The following KCNJ6 variants were observed in gnomAD, a reference collection of about 807,000 sequenced individuals.
KCNJ6 encodes the protein G protein-activated inward rectifier potassium channel 2.
A neutral mutation model predicts 34.2 loss-of-function variants in KCNJ6; 9 were observed. That is an observed-to-expected ratio of 0.26 (90% confidence interval 0.16 to 0.46). The LOEUF (loss-of-function observed/expected upper bound fraction) is 0.46, where lower values mean the gene tolerates loss of function less well. Among genes scored for constraint, KCNJ6 ranks in the 20% least tolerant of loss-of-function variants. The pLI is 1.00. For missense variants in KCNJ6, 236 were observed against 531.3 expected, an observed-to-expected ratio of 0.44 and a Z score of 5.46; for synonymous variants, 196 against 207.1, an observed-to-expected ratio of 0.95 and a Z score of 0.46.
chr21:37,894,526 A>G (rs1421278438), intron 1 of KCNJ6, among the ~76,000 whole-genome samples: 1 of 152,032 alleles, frequency 6.6e-6, no homozygotes, highest in Non-Finnish European at 1.5e-5. Flanking sequence ...TTAGCTGGGT[A>G]TGGTGGTGGG....
At chr21:37,681,009 G>A (rs535595693) in intron 3 of KCNJ6, among the ~76,000 whole-genome samples, 1 of 152,318 alleles carries the variant, frequency 6.6e-6, no homozygotes, top group South Asian at 2.1e-4. Flanking sequence ...TCTCCCAAGG[G>A]ACAGCGCTCA....
At chr21:37,867,335 G>GT (rs1404657963) in intron 1 of KCNJ6, among the ~76,000 whole-genome samples, 5 of 152,232 alleles carry the variant, frequency 3.3e-5, no homozygotes, top group African/African-American at 1.2e-4. Context: ...AATCTGTCCA[G>GT]TGAGGAGAGC....
chr21:37,808,673 G>A (rs58954766), intron 2 of KCNJ6, among the ~76,000 whole-genome samples: 2,588 of 152,234 alleles, frequency 0.017, 74 homozygotes, highest in African/African-American at 0.056. Context: ...TCCATTCTCC[G>A]GTCTTATGGA....
chr21:37,720,797 T>TC (rs1401911897), intron 2 of KCNJ6, among the ~76,000 whole-genome samples: 1 of 151,338 alleles, frequency 6.6e-6, no homozygotes, highest in East Asian at 1.9e-4. Context: ...AAGCTCCGCT[T>TC]CCCGGGTTCA....
In KCNJ6 at chr21:37,866,163, A is replaced by C. The variant is rs188786143; in HGVS notation, c.-27-25454T>G. ...TGAAGCTTCCCTGAGAAAAGAAGAC[A>C]TTCTGTCTGTGGATGGTGGATTCAG... On this transcript the variant is annotated intron_variant, in intron 1 of 3. Coordinates refer to ENST00000609713, the MANE Select transcript of KCNJ6 (RefSeq NM_002240.5). Among the ~76,000 whole-genome samples the C allele has an allele frequency of 3.5e-3, 534 of 152,086 alleles. 8 individuals carry two copies. The highest frequency in any genetic ancestry group is 1.1e-3 in the Non-Finnish European group (73 of 67,990).
intron 2 of KCNJ6, among the ~76,000 whole-genome samples, chr21:37,725,007 G>T (rs1212879884): frequency 4.0e-5 from 6 of 151,624 alleles, no homozygotes; most frequent in Non-Finnish European, 8.8e-5. Context: ...TATTTTAAAA[G>T]AATATTTCTG....
At chr21:37,722,137 A>G (rs1018270790) in intron 2 of KCNJ6, among the ~76,000 whole-genome samples, 4 of 152,202 alleles carry the variant, frequency 2.6e-5, no homozygotes, top group Non-Finnish European at 5.9e-5. Context: ...AATCAGTGTC[A>G]TTTCTATACA....
chr21:37,814,955 T>C (rs1186420066), intron 2 of KCNJ6, among the ~76,000 whole-genome samples: 1 of 150,352 alleles, frequency 6.7e-6, no homozygotes, highest in African/African-American at 2.5e-5. Flanking sequence ...ATTCCGTCCA[T>C]GTTTGCAACA....
At chr21:37,800,734 C>A (rs777296051) in intron 2 of KCNJ6, among the ~76,000 whole-genome samples, 1 of 152,158 alleles carries the variant, frequency 6.6e-6, no homozygotes, top group Non-Finnish European at 1.5e-5. Context: ...ATCATTTTCT[C>A]CTCTTCAGTA....
At chr21:37,693,599 T>C (rs2054650380) in intron 3 of KCNJ6, among the ~76,000 whole-genome samples, 1 of 150,448 alleles carries the variant, frequency 6.6e-6, no homozygotes, top group South Asian at 2.1e-4. Flanking sequence ...GGAAGAGAGG[T>C]GGGAGGGGTG....
At position 37,619,811 on chromosome 21, in the gene KCNJ6, A is replaced by G. The variant is rs1018073902; in HGVS notation, c.*5348T>C. The G allele has an allele frequency of 4.6e-5, 7 of 152,220 alleles. No homozygotes were observed. The highest frequency in any genetic ancestry group is 1.7e-4 in the African/African-American group (7 of 41,466). The allele number at this position is 152,220 out of a possible 1,614,324, so 9.4% of individuals were successfully genotyped here. A position where few individuals can be genotyped will look rare whatever the true frequency, so the allele number is the denominator to read the frequency against. Reference sequence around the variant, plus strand: ...AACGCCTGAGGGTGCCACTGAAGCAATATTTCAGCGGCTGGGCTGGGAATG... The same window carrying G: ...AACGCCTGAGGGTGCCACTGAAGCAGTATTTCAGCGGCTGGGCTGGGAATG... On this transcript the variant is annotated 3_prime_UTR_variant, in exon 4 of 4. Coordinates refer to ENST00000609713, the MANE Select transcript of KCNJ6 (RefSeq NM_002240.5).
At chr21:37,690,463 A>G (rs1340361819) in intron 3 of KCNJ6, among the ~76,000 whole-genome samples, 2 of 152,142 alleles carry the variant, frequency 1.3e-5, no homozygotes, top group Non-Finnish European at 2.9e-5. Flanking sequence ...GCCAATGTCT[A>G]CTGTGGAGCT....
rs987929056 is a variant in KCNJ6 at position 37,833,030 on chromosome 21, T to TG, written c.25+7627_25+7628insC. Among the ~76,000 whole-genome samples the TG allele has an allele frequency of 8.6e-5, 13 of 151,256 alleles. 1 individual carries two copies. Among genetic ancestry groups the TG allele is most frequent in the African/African-American group, 1.5e-4 (6 of 41,202 alleles). The stretch of plus-strand genomic sequence containing the variant: ...GGCATTTCTTTTCTTTTCTTTTTTT[T>TG]TGAGATGGAGTTTCACTCTTGTTGC... On this transcript the variant is annotated intron_variant, in intron 2 of 3. Transcript: ENST00000609713.
At chr21:37,706,733 C>T (rs2054721644) in intron 3 of KCNJ6, among the ~76,000 whole-genome samples, 1 of 152,214 alleles carries the variant, frequency 6.6e-6, no homozygotes, top group African/African-American at 2.4e-5. Context: ...CATTTACTGT[C>T]CACTTCGTTG....
intron 3 of KCNJ6, among the ~76,000 whole-genome samples, chr21:37,671,475 T>C (rs2054542008): frequency 2.0e-5 from 3 of 152,244 alleles, no homozygotes; most frequent in Admixed American, 2.0e-4. Context: ...TTATATCCTT[T>C]ATAATAAATG....
chr21:37,648,746 T>C (rs2054417157), intron 3 of KCNJ6, among the ~76,000 whole-genome samples: 1 of 152,162 alleles, frequency 6.6e-6, no homozygotes, highest in Admixed American at 6.5e-5. Context: ...TTGGGGTCAG[T>C]CATTTGTCCA....
chr21:37,846,984 T>C (rs2055512156), intron 1 of KCNJ6, among the ~76,000 whole-genome samples: 1 of 152,138 alleles, frequency 6.6e-6, no homozygotes. Flanking sequence ...AAGTGAGTGT[T>C]CTCTTAGTAC....
chr21:37,651,300 G>T (rs542712583), intron 3 of KCNJ6, among the ~76,000 whole-genome samples: 1 of 152,174 alleles, frequency 6.6e-6, no homozygotes, highest in African/African-American at 2.4e-5. Context: ...GAGAGCGGGG[G>T]CCCACATGTA....
chr21:37,631,219 A>G (rs1322277789), intron 3 of KCNJ6, among the ~76,000 whole-genome samples: 1 of 152,206 alleles, frequency 6.6e-6, no homozygotes, highest in Non-Finnish European at 1.5e-5. Flanking sequence ...GACTTAGAGA[A>G]CCATACAGAA....
Sources: allele counts gnomAD v4.1 joint callset (sites outside exome capture counted in the v4.1 genomes callset), GRCh38; gene constraint gnomAD v4.1.1; transcripts MANE v1.5; gene names NCBI Gene and HGNC (gene_info 2026-07-23, HGNC 2026-07-21).